The following ANK3 variants were observed in gnomAD, a reference collection of about 807,000 sequenced individuals.
The protein encoded by ANK3 is ankyrin 3.
A neutral mutation model predicts 370.9 loss-of-function variants in ANK3; 57 were observed. The observed-to-expected ratio is 0.15, with a 90% CI of 0.12 to 0.19. ANK3 has a LOEUF of 0.19. ANK3 is among the 10% of genes least tolerant of loss of function. ANK3 has a pLI of 1.00. For missense variants in ANK3, 4,439 were observed against 5,302.1 expected, an observed-to-expected ratio of 0.84 and a Z score of 5.06; for synonymous variants, 1,929 against 1,946.3, an observed-to-expected ratio of 0.99 and a Z score of 0.23.
chr10:60,489,358 G>C (rs2075432775), intron 2 of ANK3, among the ~76,000 whole-genome samples: 1 of 152,056 alleles, frequency 6.6e-6, no homozygotes, highest in Non-Finnish European at 1.5e-5. Context: ...TATGCTGTTA[G>C]TTATTATTAC....
At chr10:60,100,256 T>TTTTTTTTTTTTA (rs34947048) in intron 28 of ANK3, among the ~76,000 whole-genome samples, 1 of 146,276 alleles carries the variant, frequency 6.8e-6, no homozygotes, top group African/African-American at 2.6e-5. Context: ...TTTTTTTTTT[T>TTTTTTTTTTTTA]GCACCCCAAC....
chr10:60,155,151 T>C (rs941988929), intron 23 of ANK3, among the ~76,000 whole-genome samples: 1 of 152,166 alleles, frequency 6.6e-6, no homozygotes, highest in African/African-American at 2.4e-5. Flanking sequence ...GATTTTAATG[T>C]AATATCAAGG....
Position 60,036,681 on chromosome 10 carries a change from C to G in ANK3, c.*19+5991G>C, listed in dbSNP as rs2075073190. ...TACATCTCCTGACTTCGTGATCTGC[C>G]TGCCTCGGCCTCCTAAAGTGCTGGG... is the stretch of plus-strand genomic sequence containing the variant. On this transcript the variant is annotated intron_variant, in intron 43 of 43. Coordinates refer to ENST00000280772, the MANE Select transcript of ANK3 (RefSeq NM_020987.5). Among the ~76,000 whole-genome samples, 3 of 152,106 alleles carry G rather than the reference C, an allele frequency of 2.0e-5. No individual in the cohort carries two copies. In the South Asian group the frequency reaches 6.2e-4, roughly 32 times the overall value.
At chr10:60,301,412 CA>C (rs1166855855) in intron 1 of ANK3, among the ~76,000 whole-genome samples, 7 of 138,440 alleles carry the variant, frequency 5.1e-5, no homozygotes, top group East Asian at 2.0e-4. Flanking sequence ...ACACAATATA[CA>C]TTTTTTTTTT....
intron 1 of ANK3, chr10:60,615,229 A>T: frequency 6.6e-7 from 1 of 1,515,538 alleles, no homozygotes; most frequent in Non-Finnish European, 8.8e-7. Context: ...GCCACCCTAA[A>T]AAAGTAAAGA....
At chr10:60,451,661 G>T (rs891613192) in intron 2 of ANK3, among the ~76,000 whole-genome samples, 1 of 152,162 alleles carries the variant, frequency 6.6e-6, no homozygotes, top group Non-Finnish European at 1.5e-5. Context: ...TGTTTACAAA[G>T]AACCCAGACC....
intron 2 of ANK3, among the ~76,000 whole-genome samples, chr10:60,431,200 G>A (rs2064013868): frequency 6.6e-6 from 1 of 152,196 alleles, no homozygotes. Flanking sequence ...GTCCCATCTG[G>A]GGGTGATGGT....
At chr10:60,033,382 G>T (rs2074139913) in intron 43 of ANK3, among the ~76,000 whole-genome samples, 1 of 151,854 alleles carries the variant, frequency 6.6e-6, no homozygotes, top group African/African-American at 2.4e-5. Flanking sequence ...GGGTGAGGTG[G>T]CAGGCACCTA....
chr10:60,374,138 C>T (rs1380673782), intron 1 of ANK3, among the ~76,000 whole-genome samples: 2 of 151,760 alleles, frequency 1.3e-5, no homozygotes, highest in African/African-American at 4.8e-5. Context: ...AGTAGGAGCA[C>T]AAGGGATACT....
rs145257377 is a variant in ANK3, at chr10:60,156,387, G to A, written c.2614+10204C>T. Among the ~76,000 whole-genome samples the A allele has an allele frequency of 3.0e-3, 450 of 152,286 alleles. 1 individual carries two copies. Among genetic ancestry groups the A allele is most frequent in the Middle Eastern group, 0.01 (3 of 294 alleles). On this transcript the variant is annotated intron_variant, in intron 23 of 43. Coordinates refer to ENST00000280772, the MANE Select transcript of ANK3 (RefSeq NM_020987.5). ...CCAATGTCCTGATGGGACAAACCCC[G>A]TTCTGCTGAATAGAGTGGCTTTGGC...
rs1564820567 is a variant in ANK3, at chr10:60,075,065, A to G, written c.5816T>C (p.Ile1939Thr). 6.2e-7 allele frequency: 1 copy of G among 1,613,902 alleles called. No individual in the cohort carries two copies. ...FQPELPKEGRIDDEEPFKIVE... is the reference protein window; with the variant it reads ...FQPELPKEGRTDDEEPFKIVE... ...AATTTTGAAAGGTTCTTCATCATCTATTCTCCCTTCCTTTGGGAGTTCAGG... is the reference window on the plus strand; with the variant it reads ...AATTTTGAAAGGTTCTTCATCATCTGTTCTCCCTTCCTTTGGGAGTTCAGG... The change falls in exon 37 of 44, where the codon ATA (isoleucine) becomes ACA (threonine). Residue 1939 changes from isoleucine to threonine, a missense_variant. This residue lies in a region of ANK3 where 679 missense variants were observed against 791.0 expected (regional missense o/e 0.86). Coordinates refer to ENST00000280772, the MANE Select transcript of ANK3 (RefSeq NM_020987.5).
At chr10:60,558,115 C>A (rs931974663) in intron 2 of ANK3, among the ~76,000 whole-genome samples, 1 of 152,146 alleles carries the variant, frequency 6.6e-6, no homozygotes, top group African/African-American at 2.4e-5. Flanking sequence ...CAAACCCCAC[C>A]TATTACCCAT....
intron 1 of ANK3, among the ~76,000 whole-genome samples, chr10:60,316,946 C>T (rs1296323806): frequency 6.6e-6 from 1 of 152,048 alleles, no homozygotes; most frequent in Admixed American, 6.6e-5. Flanking sequence ...TGGGGTTTCA[C>T]CGTGTTAGCC....
At chr10:60,254,226 TTTA>T (rs1376254863) in intron 7 of ANK3, among the ~76,000 whole-genome samples, 1 of 139,998 alleles carries the variant, frequency 7.1e-6, no homozygotes, top group African/African-American at 2.6e-5. Context: ...TGTATTCTTT[TTTA>T]TTGTTTTTTT....
chr10:60,171,206 C>T (rs1565448370), intron 21 of ANK3, among the ~76,000 whole-genome samples: 3 of 152,090 alleles, frequency 2.0e-5, no homozygotes, highest in Non-Finnish European at 4.4e-5. Flanking sequence ...ACTTGAAGTT[C>T]GGAATGGGTG....
At chr10:60,244,757 G>A (rs188520345) in intron 7 of ANK3, among the ~76,000 whole-genome samples, 11 of 152,276 alleles carry the variant, frequency 7.2e-5, no homozygotes, top group Admixed American at 1.3e-4. Context: ...CCTTGTTCAC[G>A]CTATAAACAT....
chr10:60,569,934 C>A (rs534291529), intron 2 of ANK3, among the ~76,000 whole-genome samples: 2 of 152,180 alleles, frequency 1.3e-5, no homozygotes, highest in African/African-American at 4.8e-5. Context: ...TTTTATTTGA[C>A]CACACCCTCC....
intron 2 of ANK3, among the ~76,000 whole-genome samples, chr10:60,417,798 T>C (rs184595020): frequency 3.9e-5 from 6 of 152,314 alleles, no homozygotes; most frequent in Non-Finnish European, 5.9e-5. Context: ...TGGGTACCAG[T>C]GTCTTTTTCT....
chr10:60,329,698 T>C (rs535534794), intron 1 of ANK3, among the ~76,000 whole-genome samples: 24 of 152,158 alleles, frequency 1.6e-4, no homozygotes, highest in African/African-American at 4.6e-4. Context: ...ATTGTGAAAA[T>C]GGCCATATTG....
Sources: allele counts gnomAD v4.1 joint callset (sites outside exome capture counted in the v4.1 genomes callset), GRCh38; gene constraint gnomAD v4.1.1; regional missense constraint gnomAD v4.1.1; transcripts MANE v1.5; gene names NCBI Gene and HGNC (gene_info 2026-07-23, HGNC 2026-07-21).